The following SAMMSON variants were observed in gnomAD, a reference collection of about 807,000 sequenced individuals.
SAMMSON encodes long intergenic non-protein coding RNA 1212.
chr3:70,037,705 C>T (rs2107585556), intron 3 of SAMMSON, among the ~76,000 whole-genome samples: 1 of 152,316 alleles, frequency 6.6e-6, no homozygotes, highest in Admixed American at 6.5e-5. Flanking sequence ...ATCATTCTTG[C>T]ACCTGTGGCA....
chr3:70,376,516 C>G (rs929314127), intron 9 of SAMMSON, among the ~76,000 whole-genome samples: 8 of 152,210 alleles, frequency 5.3e-5, no homozygotes, highest in Admixed American at 5.2e-4. Context: ...TTGATTGAAT[C>G]CATCAGACAC....
At chr3:70,095,116 T>G (rs2067318777) in intron 4 of SAMMSON, among the ~76,000 whole-genome samples, 1 of 152,124 alleles carries the variant, frequency 6.6e-6, no homozygotes, top group Non-Finnish European at 1.5e-5. Context: ...CAGGAAGAAA[T>G]TTAGAGCAAA....
intron 2 of SAMMSON, among the ~76,000 whole-genome samples, chr3:70,399,360 G>A (rs1701119647): frequency 6.6e-6 from 1 of 152,132 alleles, no homozygotes; most frequent in South Asian, 2.1e-4. Flanking sequence ...ACAAAAGTAT[G>A]AAATTCATTG....
intron 4 of SAMMSON, chr3:70,204,458 C>T (rs1265291034): frequency 2.6e-5 from 4 of 152,244 alleles, no homozygotes; most frequent in Admixed American, 2.0e-4. Context: ...CTTAGGTTGG[C>T]TTCTTTTCCT....
chr3:70,216,321 TTA>T (rs144981154), intron 4 of SAMMSON, among the ~76,000 whole-genome samples: 13 of 149,842 alleles, frequency 8.7e-5, no homozygotes, highest in South Asian at 2.1e-4. Flanking sequence ...TAATTATAAT[TTA>T]TATATATATA....
intron 4 of SAMMSON, among the ~76,000 whole-genome samples, chr3:70,124,827 A>G (rs2067449316): frequency 6.6e-6 from 1 of 150,398 alleles, no homozygotes; most frequent in Non-Finnish European, 1.5e-5. Context: ...AAAAAAAAAA[A>G]AAAAAAAAAA....
intron 4 of SAMMSON, among the ~76,000 whole-genome samples, chr3:70,128,587 C>T (rs2067468536): frequency 6.6e-6 from 1 of 152,096 alleles, no homozygotes; most frequent in South Asian, 2.1e-4. Flanking sequence ...GGGAGATTTC[C>T]CTATCTATCC....
At chr3:70,160,564 T>C (rs2067610748) in intron 4 of SAMMSON, among the ~76,000 whole-genome samples, 1 of 152,134 alleles carries the variant, frequency 6.6e-6, no homozygotes, top group Admixed American at 6.6e-5. Context: ...TCTGTCCTTA[T>C]GCCAGTATTA....
intron 4 of SAMMSON, among the ~76,000 whole-genome samples, chr3:70,150,261 AG>A (rs1190298805): frequency 6.6e-6 from 1 of 152,066 alleles, no homozygotes; most frequent in Non-Finnish European, 1.5e-5. Flanking sequence ...AGTTTCAGTT[AG>A]TTGAATGTCT....
At chr3:70,106,196 G>A (rs1004928555) in intron 4 of SAMMSON, among the ~76,000 whole-genome samples, 3 of 151,678 alleles carry the variant, frequency 2.0e-5, no homozygotes, top group Admixed American at 6.6e-5. Context: ...AATATATTTG[G>A]GCCTAAATAT....
At chr3:70,125,467 C>A (rs1347275593) in intron 4 of SAMMSON, 2 of 793,854 alleles carry the variant, frequency 2.5e-6, no homozygotes, top group Non-Finnish European at 4.2e-6. Flanking sequence ...ATTCCGATGG[C>A]ATTTCATCAG....
chr3:70,341,606 G>A (rs1702710734), intron 7 of SAMMSON, among the ~76,000 whole-genome samples: 1 of 152,078 alleles, frequency 6.6e-6, no homozygotes, highest in African/African-American at 2.4e-5. Flanking sequence ...TCTTATATAA[G>A]AAGACAAAAC....
At chr3:70,042,603 A>G (rs926078302) in intron 3 of SAMMSON, among the ~76,000 whole-genome samples, 1 of 152,064 alleles carries the variant, frequency 6.6e-6, no homozygotes, top group Non-Finnish European at 1.5e-5. Context: ...CACTAGCCCC[A>G]TCAACCATCT....
chr3:70,197,310 A>G (rs1362076268), intron 4 of SAMMSON: 2 of 396,888 alleles, frequency 5.0e-6, no homozygotes, highest in Middle Eastern at 6.3e-4. Flanking sequence ...CATTAGGGGT[A>G]ATGTACACCC....
chr3:70,020,191 T>A (rs1182854609), intron 3 of SAMMSON, among the ~76,000 whole-genome samples: 2 of 151,948 alleles, frequency 1.3e-5, no homozygotes, highest in East Asian at 3.9e-4. Context: ...CAGAAAAGAG[T>A]ACTAAATATG....
chr3:70,126,094 G>C (rs1473768518), intron 4 of SAMMSON: 5 of 1,234,644 alleles, frequency 4.0e-6, no homozygotes, highest in Admixed American at 2.0e-5. Context: ...GCTTGCCAAA[G>C]CATTTACTCT....
At chr3:70,210,172 C>G (rs1341260012) in intron 4 of SAMMSON, among the ~76,000 whole-genome samples, 1 of 152,010 alleles carries the variant, frequency 6.6e-6, no homozygotes, top group African/African-American at 2.4e-5. Context: ...ATATGATTCT[C>G]TTTTTAATTT....
chr3:70,305,515 A>G (rs1702392036), intron 7 of SAMMSON, among the ~76,000 whole-genome samples: 1 of 152,188 alleles, frequency 6.6e-6, no homozygotes, highest in African/African-American at 2.4e-5. Context: ...ATTAGATTGG[A>G]TTAATATTTA....
chr3:70,261,059 A>G (rs1025217258), intron 6 of SAMMSON, among the ~76,000 whole-genome samples: 2 of 152,206 alleles, frequency 1.3e-5, no homozygotes, highest in East Asian at 1.9e-4. Context: ...CAGTAAGAAT[A>G]TAAGCACTTC....
Sources: gnomAD v4.1 joint callset for allele counts (sites outside exome capture counted in the v4.1 genomes callset) on GRCh38, gnomAD v4.1.1 for gene constraint, MANE v1.5 for transcripts, NCBI Gene and HGNC (gene_info 2026-07-23, HGNC 2026-07-21) for gene names.